The following TMC2 variants were observed in gnomAD, a reference collection of about 807,000 sequenced individuals.
The protein encoded by TMC2 is transmembrane channel like 2, also known as transmembrane channel-like protein 2.
TMC2 carries 102 observed loss-of-function variants against 105.9 expected under a neutral mutation model. The observed-to-expected ratio is 0.96, with a 90% CI of 0.82 to 1.14. The LOEUF is 1.14. Ranked by LOEUF, TMC2 falls within the 50% of genes most tolerant of loss-of-function variation. TMC2 has a pLI of 0.00. For synonymous variants in TMC2, 402 were observed against 422.8 expected, an observed-to-expected ratio of 0.95 and a Z score of 0.60; for missense variants, 1,093 against 1,134.3, an observed-to-expected ratio of 0.96 and a Z score of 0.52.
intron 4 of TMC2, among the ~76,000 whole-genome samples, chr20:2,567,906 G>A (rs1409768936): frequency 6.6e-6 from 1 of 152,204 alleles, no homozygotes; most frequent in Non-Finnish European, 1.5e-5. Context: ...TAAAAACTCA[G>A]TGAACTTGGA....
intron 2 of TMC2, among the ~76,000 whole-genome samples, chr20:2,545,831 A>C (rs1377603714): frequency 7.2e-6 from 1 of 139,482 alleles, no homozygotes; most frequent in African/African-American, 3.1e-5. Flanking sequence ...GGAAGAAAGA[A>C]AGAAAGAAAG....
At position 2,610,607 on chromosome 20, in the gene TMC2, C is replaced by T; in HGVS notation, c.1593+9C>T. On this transcript the variant is annotated intron_variant, in intron 12 of 19. Coordinates refer to ENST00000358864, the MANE Select transcript of TMC2 (RefSeq NM_080751.3). Reference sequence around the variant, plus strand: ...ATGACGTCCACCTCAAGGTAAAAACCACAACACCCCCCACCCCACTGCAAT... The same window carrying T: ...ATGACGTCCACCTCAAGGTAAAAACTACAACACCCCCCACCCCACTGCAAT... 2 of 1,560,820 alleles carry T rather than the reference C, an allele frequency of 1.3e-6. No individual in the cohort carries two copies. The highest frequency in any genetic ancestry group is 2.4e-5 in the East Asian group (1 of 41,460).
intron 2 of TMC2, among the ~76,000 whole-genome samples, chr20:2,549,445 T>A (rs146522528): frequency 0.016 from 2,397 of 152,302 alleles, 27 homozygotes; most frequent in South Asian, 0.028. Flanking sequence ...TTGACTTTTT[T>A]AAAAAATATT....
At chr20:2,612,029 C>T (rs559915528) in intron 12 of TMC2, among the ~76,000 whole-genome samples, 162 bp from the exon 13 acceptor site, 1 of 152,226 alleles carries the variant, frequency 6.6e-6, no homozygotes, top group African/African-American at 2.4e-5. Flanking sequence ...CTCTCCTGTA[C>T]ATATTGAAAG....
At chr20:2,600,546 G>A (rs1264899228) in intron 10 of TMC2, among the ~76,000 whole-genome samples, 1 of 151,972 alleles carries the variant, frequency 6.6e-6, no homozygotes, top group African/African-American at 2.4e-5. Context: ...GGTGTGGCTG[G>A]GTGTGGTGGC....
At chr20:2,605,834 G>A (rs2086387242) in intron 11 of TMC2, among the ~76,000 whole-genome samples, 2 of 152,184 alleles carry the variant, frequency 1.3e-5, no homozygotes, top group Non-Finnish European at 2.9e-5. Context: ...ACTACTAAGA[G>A]GGCAGCTTGC....
chr20:2,562,803 G>A (rs947621017), intron 4 of TMC2, among the ~76,000 whole-genome samples: 4 of 152,018 alleles, frequency 2.6e-5, no homozygotes, highest in Non-Finnish European at 4.4e-5. Context: ...AAAATTAGCC[G>A]GGGGTGGTTG....
At chr20:2,606,165 ATTTTCC>A (rs950401806) in intron 11 of TMC2, among the ~76,000 whole-genome samples, 3 of 152,100 alleles carry the variant, frequency 2.0e-5, no homozygotes, top group Non-Finnish European at 4.4e-5. Flanking sequence ...GCCAAGATTT[ATTTTCC>A]TTTTTCTTTA....
chr20:2,612,249 A>G lies in TMC2; in HGVS notation c.1652A>G (p.Asn551Ser), dbSNP rs766643221. Residue 551 changes from asparagine to serine, a missense_variant, in exon 13 of 20, where the codon AAC (asparagine) becomes AGC (serine). Physicochemically the swap from Asn to Ser is conservative, Grantham distance 46. Transcript: ENST00000358864. ...ITHWTLFNYY[N>S]SSGWNESVPR... The stretch of plus-strand genomic sequence containing the variant: ...CACTGGACTCTGTTTAACTATTACA[A>G]CTCTTCTGGTTGGAACGAGAGTGTC... The G allele has an allele frequency of 6.2e-7, 1 of 1,611,796 alleles. No homozygotes were observed. The highest frequency in any genetic ancestry group is 2.2e-5 in the East Asian group (1 of 44,826).
At chr20:2,628,950 A>C (rs2086583276) in intron 17 of TMC2, among the ~76,000 whole-genome samples, 1 of 151,704 alleles carries the variant, frequency 6.6e-6, no homozygotes, top group Admixed American at 6.6e-5. Context: ...AAAACACAAA[A>C]AATTAGCCGG....
chr20:2,545,844 AG>A (rs1210066696), intron 2 of TMC2, among the ~76,000 whole-genome samples: 2 of 143,528 alleles, frequency 1.4e-5, no homozygotes, highest in East Asian at 4.0e-4. Context: ...AAAGAAAGAA[AG>A]AAAGAAAGAG....
chr20:2,557,956 G>T (rs1474808619), intron 2 of TMC2, among the ~76,000 whole-genome samples: 1 of 152,214 alleles, frequency 6.6e-6, no homozygotes, highest in Non-Finnish European at 1.5e-5. Flanking sequence ...AGATTAACAA[G>T]ATAAACGCAT....
intron 3 of TMC2, among the ~76,000 whole-genome samples, chr20:2,559,344 T>C (rs948330214): frequency 6.6e-6 from 1 of 152,208 alleles, no homozygotes; most frequent in Non-Finnish European, 1.5e-5. Context: ...TTGCCTCCTT[T>C]GTTCCATTAC....
At position 2,592,205 on chromosome 20, in the gene TMC2, G is replaced by A; in HGVS notation, c.835-105G>A. The A allele has an allele frequency of 1.5e-6, 1 of 674,402 alleles. No homozygotes were observed. Among genetic ancestry groups the A allele is most frequent in the Non-Finnish European group, 2.6e-6 (1 of 380,218 alleles). 41.8% of individuals were successfully genotyped at this position (674,402 alleles called of 1,614,324 possible). ...AAATACATAAAGAAAGAAGAAAATA[G>A]GTGTATTCCGCTCTGAGAAGGAAAG... On this transcript the variant is annotated intron_variant, in intron 7 of 19. Coordinates refer to ENST00000358864, the MANE Select transcript of TMC2 (RefSeq NM_080751.3). The surrounding 1 kb of genome is among the most constrained non-coding windows in gnomAD (Gnocchi z 4.9).
intron 16 of TMC2, among the ~76,000 whole-genome samples, chr20:2,618,999 C>G (rs1449308843): frequency 2.0e-5 from 3 of 152,130 alleles, no homozygotes; most frequent in African/African-American, 7.2e-5. Flanking sequence ...ACCCTGAGGG[C>G]ATTACTTCCT....
chr20:2,570,493 CTA>C (rs1263816843), intron 4 of TMC2, among the ~76,000 whole-genome samples: 1 of 151,690 alleles, frequency 6.6e-6, no homozygotes, highest in African/African-American at 2.4e-5. Flanking sequence ...AATACAATGA[CTA>C]AAGAAATCAT....
chr20:2,631,777 G>A (rs912671228), intron 17 of TMC2, among the ~76,000 whole-genome samples: 1 of 148,452 alleles, frequency 6.7e-6, no homozygotes, highest in African/African-American at 2.5e-5. Flanking sequence ...GGAATTTGTT[G>A]AGCTTCCTGT....
intron 18 of TMC2, among the ~76,000 whole-genome samples, chr20:2,636,618 TTTTGTTTG>T (rs10534913): frequency 0.75 from 113,169 of 151,114 alleles, 42,541 homozygotes; most frequent in East Asian, 0.87. Flanking sequence ...TCTTCTGGTT[TTTTGTTTG>T]TTTGTTTGTT....
At chr20:2,595,607 G>A (rs145395459) in intron 9 of TMC2, among the ~76,000 whole-genome samples, 45 of 152,204 alleles carry the variant, frequency 3.0e-4, no homozygotes, top group African/African-American at 9.9e-4. Context: ...TGAAAACTTG[G>A]CCCAGCCCAT....
Sources: allele counts gnomAD v4.1 joint callset (sites outside exome capture counted in the v4.1 genomes callset), GRCh38; gene constraint gnomAD v4.1.1; non-coding constraint Gnocchi (gnomAD v3.1); transcripts MANE v1.5; gene names NCBI Gene and HGNC (gene_info 2026-07-23, HGNC 2026-07-21).